SLC13A1: variants seen among roughly 807,000 people sequenced by gnomAD.
The protein encoded by SLC13A1 is solute carrier family 13 member 1.
Under a neutral mutation model 70.0 loss-of-function variants are expected in SLC13A1, and 65 were observed. The observed-to-expected ratio is 0.93, with a 90% CI of 0.76 to 1.14. The LOEUF (loss-of-function observed/expected upper bound fraction) is 1.14. SLC13A1 is among the 50% of genes most tolerant of loss of function. SLC13A1 has a pLI of 0.00. For missense variants in SLC13A1, 726 were observed against 717.8 expected (o/e 1.01, Z -0.13); for synonymous variants, 275 against 250.5 (o/e 1.10, Z -0.92).
chr7:123,148,213 C>T (rs914750648), intron 6 of SLC13A1, among the ~76,000 whole-genome samples: 1 of 152,146 alleles, frequency 6.6e-6, no homozygotes, highest in East Asian at 1.9e-4. Context: ...ATCTCCTGGT[C>T]ACCCACTGTC....
chr7:123,130,746 T>C (rs1286916118), intron 8 of SLC13A1, among the ~76,000 whole-genome samples: 2 of 152,086 alleles, frequency 1.3e-5, no homozygotes, highest in East Asian at 3.9e-4. Context: ...AGTAAAACTC[T>C]ATTACATTTT....
intron 4 of SLC13A1, among the ~76,000 whole-genome samples, chr7:123,168,921 G>A (rs1001931079): frequency 2.0e-5 from 3 of 152,166 alleles, no homozygotes; most frequent in Non-Finnish European, 4.4e-5. Flanking sequence ...CTGGCTGAGG[G>A]ATAGAAAAGG....
chr7:123,193,106 A>C (rs1796054664), intron 1 of SLC13A1, among the ~76,000 whole-genome samples: 1 of 152,124 alleles, frequency 6.6e-6, no homozygotes, highest in Non-Finnish European at 1.5e-5. Flanking sequence ...CAGTTCTCCA[A>C]CCTGACTACA....
intron 6 of SLC13A1, among the ~76,000 whole-genome samples, chr7:123,156,347 A>G (rs1794713537): frequency 6.6e-6 from 1 of 152,160 alleles, no homozygotes; most frequent in Admixed American, 6.6e-5. Flanking sequence ...TTAACCTGCC[A>G]TCTTAATGGA....
In SLC13A1 at chr7:123,180,986, A is replaced by T; in HGVS notation, c.215T>A (p.Met72Lys). The change falls in exon 2 of 15, where the codon ATG becomes AAG. Residue 72 changes from methionine to lysine, a missense_variant. By Grantham distance (95) the Met-to-Lys change is moderately conservative. Transcript: ENST00000194130. ...PSLMLPMFGI[M>K]PSKKVASAYF... is the part of the protein sequence containing the mutation. ...AAGAGGACTTACCTTCTTAGAAGGC[A>T]TGATCCCAAACATGGGTAACATTAA... is the stretch of plus-strand genomic sequence containing the variant. 1 of 1,611,970 alleles carries T rather than the reference A, an allele frequency of 6.2e-7. No individual in the cohort carries two copies. Among genetic ancestry groups the T allele is most frequent in the Non-Finnish European group, 8.5e-7 (1 of 1,178,716 alleles).
rs77642741 is a variant in SLC13A1, at chr7:123,182,655, A to G, written c.100-1554T>C. Among the ~76,000 whole-genome samples the G allele has an allele frequency of 2.5e-4, 38 of 152,226 alleles. No homozygotes were observed. The East Asian group carries it at 7.4e-3, about 30-fold the overall frequency. The stretch of plus-strand genomic sequence containing the variant: ...AAAAATAAATAGAATACATAGTGCT[A>G]GCTGGTTCTGTTCACCATATACACC... On this transcript the variant is annotated intron_variant, in intron 1 of 14. Transcript: ENST00000194130.
chr7:123,180,139 G>A (rs1461745691), intron 2 of SLC13A1, among the ~76,000 whole-genome samples: 1 of 152,032 alleles, frequency 6.6e-6, no homozygotes, highest in Non-Finnish European at 1.5e-5. Flanking sequence ...AGGATAAAAA[G>A]TGCAAAAAGA....
At position 123,117,606 on chromosome 7, in the gene SLC13A1, G is replaced by A. The variant is rs557708212; in HGVS notation, c.1515C>T (p.Ala505=). ...AAAGAGGGTTCACATGAATGGCTTC[G>A]GCCTGTTGTAAGAGATAAAAAAGAG... ...TLFLPILSPL[A]EAIHVNPLYI... Residue 505 remains alanine, a splice_region_variant and synonymous_variant, in exon 14 of 15, where the codon GCC becomes GCT. Coordinates refer to ENST00000194130, the MANE Select transcript of SLC13A1 (RefSeq NM_022444.4). 44 of 1,598,592 alleles carry A rather than the reference G, an allele frequency of 2.8e-5. No homozygotes were observed. Among genetic ancestry groups the A allele is most frequent in the South Asian group, 7.9e-5 (7 of 88,692 alleles).
chr7:123,183,751 C>A (rs1795710168), intron 1 of SLC13A1, among the ~76,000 whole-genome samples: 1 of 152,142 alleles, frequency 6.6e-6, no homozygotes, highest in Non-Finnish European at 1.5e-5. Context: ...GTTTGAGAAG[C>A]ACTGGGCTAC....
Position 123,188,786 on chromosome 7 carries a change from C to T in SLC13A1, c.100-7685G>A, listed in dbSNP as rs531785334. Among the ~76,000 whole-genome samples the T allele has an allele frequency of 2.6e-5, 4 of 152,210 alleles. No homozygotes were observed. In the South Asian group the frequency reaches 8.3e-4, roughly 32 times the overall value. On this transcript the variant is annotated intron_variant, in intron 1 of 14. Coordinates refer to ENST00000194130, the MANE Select transcript of SLC13A1 (RefSeq NM_022444.4). ...AATTTTAATGCAGTGATTTTAAACA[C>T]TTTTCTGTTGTCTCATGTTTTTACC...
At chr7:123,176,418 A>G (rs999950571) in intron 2 of SLC13A1, among the ~76,000 whole-genome samples, 4 of 152,182 alleles carry the variant, frequency 2.6e-5, no homozygotes, top group Non-Finnish European at 5.9e-5. Flanking sequence ...ATAAAATTTG[A>G]TATCTATTTG....
intron 3 of SLC13A1, among the ~76,000 whole-genome samples, chr7:123,170,289 G>T (rs573080770): frequency 7.2e-5 from 11 of 152,194 alleles, no homozygotes; most frequent in Middle Eastern, 3.4e-3. Context: ...CAAAATAAAA[G>T]AAAATATATT....
At chr7:123,189,997 C>T (rs891019478) in intron 1 of SLC13A1, among the ~76,000 whole-genome samples, 4 of 152,132 alleles carry the variant, frequency 2.6e-5, no homozygotes, top group South Asian at 2.1e-4. Flanking sequence ...CTTTCATTTT[C>T]GGTAATGTCT....
At chr7:123,177,099 T>C (rs1273777104) in intron 2 of SLC13A1, among the ~76,000 whole-genome samples, 1 of 152,154 alleles carries the variant, frequency 6.6e-6, no homozygotes, top group Non-Finnish European at 1.5e-5. Flanking sequence ...TGTCCAGCAC[T>C]GAACTCTAAG....
At chr7:123,148,161 G>A (rs941302348) in intron 6 of SLC13A1, among the ~76,000 whole-genome samples, 15 of 152,016 alleles carry the variant, frequency 9.9e-5, no homozygotes, top group African/African-American at 3.1e-4. Context: ...ATGTAACTTG[G>A]ATATCTCTTT....
At chr7:123,127,495 T>A (rs1316090692) in intron 10 of SLC13A1, among the ~76,000 whole-genome samples, 1 of 152,140 alleles carries the variant, frequency 6.6e-6, no homozygotes, top group African/African-American at 2.4e-5. Context: ...GGAAGCATTA[T>A]TTTTTATGTT....
chr7:123,180,869 AAC>A, intron 2 of SLC13A1, 102 bp downstream of exon 2: 1 of 1,262,338 alleles, frequency 7.9e-7, no homozygotes, highest in Admixed American at 2.3e-5. Flanking sequence ...ACTTATGTGG[AAC>A]CTTACCAACG....
intron 7 of SLC13A1, among the ~76,000 whole-genome samples, chr7:123,135,554 T>C (rs1244064305): frequency 6.6e-6 from 1 of 152,144 alleles, no homozygotes; most frequent in Non-Finnish European, 1.5e-5. Flanking sequence ...GAAATATTGA[T>C]TTGCAATTTT....
intron 7 of SLC13A1, among the ~76,000 whole-genome samples, chr7:123,139,157 A>AT (rs991266353): frequency 6.6e-6 from 1 of 152,122 alleles, no homozygotes; most frequent in Non-Finnish European, 1.5e-5. Flanking sequence ...TCCCAGCACC[A>AT]TTTATGGAAA....
Sources: allele counts gnomAD v4.1 joint callset (sites outside exome capture counted in the v4.1 genomes callset), GRCh38; gene constraint gnomAD v4.1.1; transcripts MANE v1.5; gene names NCBI Gene and HGNC (gene_info 2026-07-23, HGNC 2026-07-21).